The following MAGI2 variants were observed in gnomAD, a reference collection of about 807,000 sequenced individuals.
MAGI2 encodes the protein membrane-associated guanylate kinase, WW and PDZ domain-containing protein 2.
Under a neutral mutation model 133.3 loss-of-function variants are expected in MAGI2, and 35 were observed. The observed-to-expected ratio is 0.26, with a 90% CI of 0.20 to 0.35. MAGI2 has a LOEUF of 0.35. MAGI2 is among the 10% of genes least tolerant of loss of function. The pLI is 1.00. For synonymous variants in MAGI2, 729 were observed against 710.6 expected, an observed-to-expected ratio of 1.03 and a Z score of -0.41; for missense variants, 1,636 against 1,863.4, an observed-to-expected ratio of 0.88 and a Z score of 2.25.
intron 2 of MAGI2, among the ~76,000 whole-genome samples, chr7:78,642,118 C>T (rs572523836): frequency 1.1e-4 from 16 of 152,244 alleles, no homozygotes; most frequent in East Asian, 1.9e-4. Flanking sequence ...ATAAATTTTA[C>T]GCTGTTGTAT....
chr7:78,619,578 G>C (rs891920299), intron 3 of MAGI2, among the ~76,000 whole-genome samples: 1 of 151,774 alleles, frequency 6.6e-6, no homozygotes, highest in African/African-American at 2.4e-5. Flanking sequence ...TCTCTTTGGG[G>C]AGAAAAAAGT....
intron 2 of MAGI2, among the ~76,000 whole-genome samples, chr7:78,707,568 T>C (rs567567776): frequency 1.3e-5 from 2 of 152,242 alleles, no homozygotes; most frequent in Admixed American, 6.5e-5. Context: ...GAAATTCTTA[T>C]GATTCAAATA....
intron 1 of MAGI2, among the ~76,000 whole-genome samples, chr7:79,237,379 G>A (rs1475694441): frequency 6.6e-6 from 1 of 152,152 alleles, no homozygotes; most frequent in Non-Finnish European, 1.5e-5. Flanking sequence ...TGTAGTCCTA[G>A]CTACTCTGGA....
intron 2 of MAGI2, among the ~76,000 whole-genome samples, chr7:79,005,785 C>T (rs1807375911): frequency 6.6e-6 from 1 of 152,184 alleles, no homozygotes; most frequent in Non-Finnish European, 1.5e-5. Context: ...TTTAATCCAT[C>T]TTCCTTTGTC....
chr7:78,686,696 C>T (rs1490944845), intron 2 of MAGI2, among the ~76,000 whole-genome samples: 2 of 152,022 alleles, frequency 1.3e-5, no homozygotes, highest in Non-Finnish European at 2.9e-5. Flanking sequence ...GAGCTGAGTG[C>T]ATATTTCTGA....
At chr7:79,238,255 T>C (rs1323056736) in intron 1 of MAGI2, among the ~76,000 whole-genome samples, 2 of 152,178 alleles carry the variant, frequency 1.3e-5, no homozygotes, top group African/African-American at 4.8e-5. Context: ...CTTACTTCCA[T>C]TTGTTTCCAG....
intron 2 of MAGI2, among the ~76,000 whole-genome samples, chr7:78,750,215 C>A (rs1332475231): frequency 6.6e-6 from 1 of 152,094 alleles, no homozygotes; most frequent in Non-Finnish European, 1.5e-5. Context: ...ATGAACTCAC[C>A]CTTTTTTACG....
At chr7:79,016,996 T>C (rs1380813160) in intron 1 of MAGI2, among the ~76,000 whole-genome samples, 1 of 152,224 alleles carries the variant, frequency 6.6e-6, no homozygotes, top group Non-Finnish European at 1.5e-5. Flanking sequence ...CATCTCCACA[T>C]AGTGGTGCCC....
chr7:79,057,211 CT>C (rs1813228236), intron 1 of MAGI2, among the ~76,000 whole-genome samples: 1 of 152,012 alleles, frequency 6.6e-6, no homozygotes, highest in South Asian at 2.1e-4. Context: ...CTTAAAGGTC[CT>C]TTAGAGATGA....
chr7:78,492,545 T>A (rs2150498960), intron 5 of MAGI2, among the ~76,000 whole-genome samples: 1 of 152,254 alleles, frequency 6.6e-6, no homozygotes, highest in Non-Finnish European at 1.5e-5. Flanking sequence ...TCCCTTAAAT[T>A]ACATATTTTA....
At chr7:78,168,894 G>A (rs1257696482) in intron 14 of MAGI2, among the ~76,000 whole-genome samples, 4 of 152,208 alleles carry the variant, frequency 2.6e-5, no homozygotes, top group Non-Finnish European at 5.9e-5. Flanking sequence ...TTTCTGGCCA[G>A]TTGACTTACT....
intron 1 of MAGI2, among the ~76,000 whole-genome samples, chr7:79,270,590 G>T (rs189339418): frequency 1.3e-5 from 2 of 152,252 alleles, no homozygotes; most frequent in Admixed American, 1.3e-4. Context: ...TCCTTGTAGA[G>T]GAAATTTTCA....
chr7:79,212,544 A>G (rs191927280), intron 1 of MAGI2, among the ~76,000 whole-genome samples: 1 of 152,206 alleles, frequency 6.6e-6, no homozygotes, highest in Non-Finnish European at 1.5e-5. Flanking sequence ...TTAATCTGAT[A>G]GAAAAAAAGA....
intron 2 of MAGI2, among the ~76,000 whole-genome samples, chr7:78,936,171 G>A (rs765853585): frequency 3.1e-4 from 47 of 151,498 alleles, no homozygotes; most frequent in Non-Finnish European, 4.1e-4. Flanking sequence ...TGAAAACAAA[G>A]CAAATCTAAA....
chr7:78,057,670 G>A (rs1190771810), intron 21 of MAGI2, among the ~76,000 whole-genome samples: 1 of 152,040 alleles, frequency 6.6e-6, no homozygotes, highest in Non-Finnish European at 1.5e-5. Flanking sequence ...GCACAACTTG[G>A]GGTTTCTAGC....
intron 2 of MAGI2, among the ~76,000 whole-genome samples, chr7:78,889,840 C>A (rs953960647): frequency 3.3e-5 from 5 of 152,124 alleles, no homozygotes; most frequent in Non-Finnish European, 7.4e-5. Context: ...AAATAACCAG[C>A]TAACATCATA....
rs116884495 is a variant in MAGI2 at position 78,472,727 on chromosome 7, C to T, written c.1045+17034G>A. ...TCAAGCATTCCTCTAAGCATGAATT[C>T]CCAAGTTGCACAATAATGCTAAGTG... On this transcript the variant is annotated intron_variant, in intron 6 of 21. Coordinates refer to ENST00000354212, the MANE Select transcript of MAGI2 (RefSeq NM_012301.4). Among the ~76,000 whole-genome samples the T allele has an allele frequency of 6.0e-3, 908 of 152,204 alleles. 1 individual carries two copies. Among genetic ancestry groups the T allele is most frequent in the Non-Finnish European group, 9.2e-3 (625 of 67,988 alleles).
At chr7:78,935,273 T>C (rs982218772) in intron 2 of MAGI2, among the ~76,000 whole-genome samples, 9 of 152,318 alleles carry the variant, frequency 5.9e-5, no homozygotes, top group African/African-American at 1.7e-4. Context: ...GTTTTTCTAA[T>C]GTACAAACTG....
intron 9 of MAGI2, among the ~76,000 whole-genome samples, chr7:78,325,462 A>G (rs1356094705): frequency 6.6e-6 from 1 of 152,162 alleles, no homozygotes; most frequent in Non-Finnish European, 1.5e-5. Flanking sequence ...TCCTCCTTCT[A>G]CTATCATAGT....
Sources: allele counts gnomAD v4.1 joint callset (sites outside exome capture counted in the v4.1 genomes callset), GRCh38; gene constraint gnomAD v4.1.1; transcripts MANE v1.5; gene names NCBI Gene and HGNC (gene_info 2026-07-23, HGNC 2026-07-21).